TSBP1: variants seen among roughly 807,000 people sequenced by gnomAD.
The protein encoded by TSBP1 is testis-expressed basic protein 1.
TSBP1 carries 56 observed loss-of-function variants against 68.8 expected under a neutral mutation model. The ratio of observed to expected loss-of-function variants is 0.81; its 90% CI spans 0.66 to 1.02. The LOEUF is 1.02. TSBP1 is among the 50% of genes least tolerant of loss of function. The pLI, the probability that TSBP1 is intolerant of heterozygous loss-of-function variation, is 0.00. For missense variants in TSBP1, 502 were observed against 641.2 expected, an observed-to-expected ratio of 0.78 and a Z score of 2.34; for synonymous variants, 171 against 208.7, an observed-to-expected ratio of 0.82 and a Z score of 1.56.
chr6:32,319,529 G>A (rs1440889862), intron 18 of TSBP1, among the ~76,000 whole-genome samples: 1 of 152,074 alleles, frequency 6.6e-6, no homozygotes, highest in Non-Finnish European at 1.5e-5. Context: ...ATTAAGGACT[G>A]CAGGGCCCGA....
At chr6:32,360,102 T>C (rs1772825459) in intron 6 of TSBP1, among the ~76,000 whole-genome samples, 1 of 152,202 alleles carries the variant, frequency 6.6e-6, no homozygotes, top group East Asian at 1.9e-4. Flanking sequence ...TAATACATTA[T>C]AGTCACCATG....
chr6:32,354,244 A>T (rs1269626394), intron 8 of TSBP1, among the ~76,000 whole-genome samples: 1 of 152,026 alleles, frequency 6.6e-6, no homozygotes, highest in Non-Finnish European at 1.5e-5. Flanking sequence ...ACTACAGATC[A>T]ATAACTAATA....
intron 9 of TSBP1, among the ~76,000 whole-genome samples, chr6:32,341,034 G>A (rs1004520571): frequency 6.6e-6 from 1 of 152,104 alleles, no homozygotes; most frequent in Admixed American, 6.6e-5. Context: ...GGCCTTGAGT[G>A]ATCCCCTCAC....
Position 32,325,672 on chromosome 6 carries a change from CT to C in TSBP1, c.515-2059del. The C allele has an allele frequency of 9.4e-7, 1 of 1,067,264 alleles. No individual in the cohort carries two copies. 66.1% of individuals were successfully genotyped at this position (1,067,264 alleles called of 1,614,324 possible). A position where few individuals can be genotyped will look rare whatever the true frequency, so the allele number is the denominator to read the frequency against. Reference sequence around the variant, plus strand: ...AGAAAAGGGGATTTGCCTTTGTAACCTTTGATGACCATGACTCCGTGGATAA... The same window carrying C: ...AGAAAAGGGGATTTGCCTTTGTAACCTTGATGACCATGACTCCGTGGATAA... On this transcript the variant is annotated intron_variant, in intron 16 of 22. Transcript: ENST00000612031. The surrounding 1 kb of genome is among the most constrained non-coding windows in gnomAD (Gnocchi z 4.4).
chr6:32,320,803 A>G (rs1262167480), intron 18 of TSBP1, among the ~76,000 whole-genome samples: 2 of 151,522 alleles, frequency 1.3e-5, no homozygotes, highest in East Asian at 3.9e-4. Flanking sequence ...CAGATATTAA[A>G]TCTAGTTATT....
intron 8 of TSBP1, chr6:32,352,891 A>T (rs1583146743): frequency 6.6e-6 from 1 of 152,064 alleles, no homozygotes; most frequent in East Asian, 1.9e-4. Flanking sequence ...CCACTTTGGC[A>T]GCATATATAC....
At chr6:32,310,761 A>ATATATATATATATATATTT in intron 19 of TSBP1, among the ~76,000 whole-genome samples, 8 of 144,804 alleles carry the variant, frequency 5.5e-5, no homozygotes, top group East Asian at 2.0e-4. Flanking sequence ...ATATATATAT[A>ATATATATATATATATATTT]TTTTTAATCT....
At chr6:32,323,095 G>GA in intron 18 of TSBP1, 22 bp downstream of exon 19, 1 of 1,557,438 alleles carries the variant, frequency 6.4e-7, no homozygotes, top group South Asian at 1.1e-5. Flanking sequence ...AACCAAAGAA[G>GA]AAAAAGAGAT....
chr6:32,326,634 G>A (rs1006837158), intron 16 of TSBP1, among the ~76,000 whole-genome samples: 2 of 152,230 alleles, frequency 1.3e-5, no homozygotes, highest in African/African-American at 2.4e-5. Flanking sequence ...TTTCACTCAT[G>A]AAGGGAAATG....
chr6:32,350,085 T>C, intron 8 of TSBP1: 1 of 619,280 alleles, frequency 1.6e-6, no homozygotes, highest in South Asian at 1.5e-5. Context: ...TCATTGGTGA[T>C]TCTGCTGCTC....
intron 8 of TSBP1, among the ~76,000 whole-genome samples, chr6:32,351,889 T>C (rs1445056841): frequency 6.6e-6 from 1 of 152,108 alleles, no homozygotes; most frequent in Non-Finnish European, 1.5e-5. Flanking sequence ...CTTGAAAATA[T>C]ATTTACTTAG....
intron 16 of TSBP1, among the ~76,000 whole-genome samples, chr6:32,328,784 C>G (rs935935431): frequency 1.3e-5 from 2 of 151,986 alleles, no homozygotes; most frequent in Non-Finnish European, 1.5e-5. Flanking sequence ...AACTGCTGAC[C>G]TCGTGATCCA....
At chr6:32,313,977 G>A (rs1334876611) in intron 19 of TSBP1, among the ~76,000 whole-genome samples, 1 of 152,048 alleles carries the variant, frequency 6.6e-6, no homozygotes, top group Non-Finnish European at 1.5e-5. Flanking sequence ...TGTATCTTGA[G>A]GCTTTGTCCA....
intron 22 of TSBP1, among the ~76,000 whole-genome samples, chr6:32,295,260 C>T (rs540763164): frequency 2.1e-5 from 3 of 145,282 alleles, no homozygotes; most frequent in East Asian, 4.2e-4. Context: ...CGCTTGAACC[C>T]GGGAGGCAGG....
rs1770988588 is a variant in TSBP1 at position 32,346,300 on chromosome 6, CCACCGCGCCCGG to C, written c.349+3428_349+3439del. ...AAAGTGCTGGGATTACAGGCGTGAG[CCACCGCGCCCGG>C]CCGTCATATCCTCATTTAATTTACT... On this transcript the variant is annotated intron_variant, in intron 9 of 22. Transcript: ENST00000612031. Among the ~76,000 whole-genome samples the C allele has an allele frequency of 2.1e-4, 2 of 9,496 alleles. 1 individual carries two copies. The allele number at this position is 9,496 out of a possible 152,430, so 6.2% of individuals were successfully genotyped here. A position where few individuals can be genotyped will look rare whatever the true frequency, so the allele number is the denominator to read the frequency against.
intron 8 of TSBP1, among the ~76,000 whole-genome samples, chr6:32,350,767 C>CA (rs1365345559): frequency 7.2e-5 from 11 of 152,160 alleles, no homozygotes; most frequent in Non-Finnish European, 1.5e-4. Context: ...CTAATATAAT[C>CA]ACAAAGATTT....
At chr6:32,366,762 CAAAAA>C (rs9257084) in intron 4 of TSBP1, among the ~76,000 whole-genome samples, 10 of 77,430 alleles carry the variant, frequency 1.3e-4, no homozygotes, top group Admixed American at 1.9e-4. Context: ...GACTCCGTCT[CAAAAA>C]AAAAAAAAAA....
intron 16 of TSBP1, chr6:32,324,426 CT>C (rs1230198581): frequency 5.7e-6 from 4 of 703,400 alleles, no homozygotes; most frequent in Admixed American, 4.1e-5. Flanking sequence ...TATCTCTTCC[CT>C]TTTTGCAGTG....
chr6:32,305,516 C>T (rs945112812), intron 19 of TSBP1, among the ~76,000 whole-genome samples: 8 of 152,242 alleles, frequency 5.3e-5, no homozygotes, highest in Non-Finnish European at 1.2e-4. Flanking sequence ...GGCCTTCTCT[C>T]TGTACCTACT....
Sources: allele counts gnomAD v4.1 joint callset (sites outside exome capture counted in the v4.1 genomes callset), GRCh38; gene constraint gnomAD v4.1.1; non-coding constraint Gnocchi (gnomAD v3.1); transcripts MANE v1.5; gene names NCBI Gene and HGNC (gene_info 2026-07-23, HGNC 2026-07-21).